Variants in ARHGAP22 observed in about 807,000 individuals in gnomAD.
The protein encoded by ARHGAP22 is Rho GTPase activating protein 22, also known as rho GTPase-activating protein 22.
In ARHGAP22, 48 loss-of-function variants were observed where a neutral mutation model predicts 59.1. The ratio of observed to expected loss-of-function variants is 0.81; its 90% confidence interval spans 0.64 to 1.03. The LOEUF (loss-of-function observed/expected upper bound fraction) is 1.03, where lower values mean the gene tolerates loss of function less well. Among genes scored for constraint, ARHGAP22 ranks in the 50% least tolerant of loss-of-function variants. The probability of loss-of-function intolerance (pLI) is 0.00; values close to 1 mark genes in which losing one functional copy is unlikely to be tolerated. For missense variants in ARHGAP22, 1,015 were observed against 958.7 expected, an observed-to-expected ratio of 1.06 and a Z score of -0.78; for synonymous variants, 445 against 416.4, an observed-to-expected ratio of 1.07 and a Z score of -0.84.
the ARHGAP22 span, chr10:48,437,011 A>C: frequency 3.3e-5 from 5 of 152,198 alleles, no homozygotes; most frequent in East Asian, 9.6e-4. Flanking sequence ...ATGCTTTCAG[A>C]AGGTTCTCAT....
At chr10:48,498,058 G>A (rs1007132882) in intron 3 of ARHGAP22, among the ~76,000 whole-genome samples, 2 of 152,166 alleles carry the variant, frequency 1.3e-5, no homozygotes, top group African/African-American at 4.8e-5. Flanking sequence ...GAAAGAGGAT[G>A]CAGTGCCTCG....
intron 3 of ARHGAP22, chr10:48,510,442 G>A (rs1390086305): frequency 2.0e-5 from 3 of 152,106 alleles, no homozygotes; most frequent in Non-Finnish European, 4.4e-5. Context: ...ACAGAGGAAA[G>A]ATCATTTAAG....
chr10:48,496,051 G>C (rs190503049), intron 3 of ARHGAP22, among the ~76,000 whole-genome samples: 1 of 152,156 alleles, frequency 6.6e-6, no homozygotes, highest in South Asian at 2.1e-4. Flanking sequence ...GAGCCTGTGA[G>C]AGCCCCCAAG....
At chr10:48,490,096 T>C (rs1010106133) in intron 3 of ARHGAP22, among the ~76,000 whole-genome samples, 1 of 152,094 alleles carries the variant, frequency 6.6e-6, no homozygotes, top group African/African-American at 2.4e-5. Flanking sequence ...GCTCCCTCAA[T>C]GTGGAGCACA....
the ARHGAP22 span, among the ~76,000 whole-genome samples, chr10:48,433,136 A>G: frequency 1.3e-5 from 2 of 152,204 alleles, no homozygotes; most frequent in African/African-American, 4.8e-5. Flanking sequence ...AAGATTTTCC[A>G]TATTATTACC....
At chr10:48,575,574 C>G (rs367623724) in intron 2 of ARHGAP22, 2 of 152,212 alleles carry the variant, frequency 1.3e-5, no homozygotes, top group African/African-American at 4.8e-5. Flanking sequence ...TTCTCCCCAC[C>G]AGTCTCAAGC....
Position 48,479,782 on chromosome 10 carries a change from A to G in ARHGAP22, c.323-18T>C. 6.4e-7 allele frequency: 1 copy of G among 1,563,772 alleles called. No homozygotes were observed. Among genetic ancestry groups the G allele is most frequent in the Non-Finnish European group, 8.7e-7 (1 of 1,153,326 alleles). ...GGCACCACCTGCAAGACAGGGAGAC[A>G]CAGGCTTACGCAGGGTCCCTGCCCG... On this transcript the variant is annotated intron_variant, in intron 3 of 9. Transcript: ENST00000249601.
Position 48,493,698 on chromosome 10 carries a change from T to C in ARHGAP22, c.323-13934A>G, listed in dbSNP as rs189678189. The C allele has an allele frequency of 3.7e-6, 5 of 1,354,932 alleles. No individual in the cohort carries two copies. In the Admixed American group the frequency reaches 1.3e-4, roughly 36 times the overall value. The allele number at this position is 1,354,932 out of a possible 1,614,324, so 83.9% of individuals were successfully genotyped here. On this transcript the variant is annotated intron_variant, in intron 3 of 9. Coordinates refer to ENST00000249601, the MANE Select transcript of ARHGAP22 (RefSeq NM_021226.4). ...TTTATCAGTGCCCGAAGGCTGGGAC[T>C]GTCTGGGGCGGGGCAAGAAGGACTT...
downstream of ARHGAP22, among the ~76,000 whole-genome samples, chr10:48,441,854 C>T (rs1033826732): frequency 2.0e-5 from 3 of 152,182 alleles, no homozygotes; most frequent in Non-Finnish European, 4.4e-5. Context: ...TAGGTCACCT[C>T]GGACAAGTGT....
intron 1 of ARHGAP22, among the ~76,000 whole-genome samples, chr10:48,585,453 G>A (rs1039659484): frequency 6.6e-6 from 1 of 152,102 alleles, no homozygotes; most frequent in Non-Finnish European, 1.5e-5. Flanking sequence ...CCACAGCCTG[G>A]TATTGGGTCC....
intron 1 of ARHGAP22, among the ~76,000 whole-genome samples, chr10:48,589,871 C>T (rs1450218609): frequency 6.6e-6 from 1 of 152,110 alleles, no homozygotes; most frequent in South Asian, 2.1e-4. Context: ...ACTCTTTTCA[C>T]AGAAGTAGTT....
chr10:48,620,065 T>C (rs1355078205), intron 1 of ARHGAP22, among the ~76,000 whole-genome samples: 2 of 152,212 alleles, frequency 1.3e-5, no homozygotes, highest in Non-Finnish European at 2.9e-5. Flanking sequence ...ACTATTCTAA[T>C]GTGTGATACA....
intron 9 of ARHGAP22, among the ~76,000 whole-genome samples, chr10:48,448,462 C>A (rs1589393029): frequency 6.6e-6 from 1 of 152,238 alleles, no homozygotes. Flanking sequence ...ACTGTGGCCA[C>A]CTGCACAGCA....
chr10:48,632,640 T>G (rs934159946), intron 1 of ARHGAP22, among the ~76,000 whole-genome samples: 82 of 152,294 alleles, frequency 5.4e-4, no homozygotes, highest in African/African-American at 1.9e-3. Context: ...GTGGTTTGTT[T>G]TCTGTCACTG....
chr10:48,591,737 G>A (rs1012033754), intron 1 of ARHGAP22, among the ~76,000 whole-genome samples: 6 of 152,156 alleles, frequency 3.9e-5, no homozygotes, highest in African/African-American at 1.4e-4. Flanking sequence ...TGCTGGGCAT[G>A]GTGGTGTGCC....
At chr10:48,618,300 T>A (rs1424150915) in intron 1 of ARHGAP22, among the ~76,000 whole-genome samples, 1 of 152,022 alleles carries the variant, frequency 6.6e-6, no homozygotes, top group Non-Finnish European at 1.5e-5. Flanking sequence ...TCTTAAACTA[T>A]TCCAGAAAAT....
upstream of ARHGAP22, among the ~76,000 whole-genome samples, chr10:48,609,534 A>G (rs1292525497): frequency 6.6e-6 from 1 of 152,192 alleles, no homozygotes; most frequent in Non-Finnish European, 1.5e-5. Context: ...ACCTGGAAGT[A>G]TCTTGAGAGA....
At chr10:48,512,610 A>C (rs1009020985) in intron 3 of ARHGAP22, among the ~76,000 whole-genome samples, 18 of 152,208 alleles carry the variant, frequency 1.2e-4, no homozygotes, top group Non-Finnish European at 2.4e-4. Flanking sequence ...AATCTTACAC[A>C]CAGAGGCCAA....
At chr10:48,611,907 C>T (rs1344334305) in intron 1 of ARHGAP22, among the ~76,000 whole-genome samples, 1 of 130,768 alleles carries the variant, frequency 7.6e-6, no homozygotes. Flanking sequence ...CACTTTCCTT[C>T]TGCCTCCTGG....
Sources: gnomAD v4.1 joint callset for allele counts (sites outside exome capture counted in the v4.1 genomes callset) on GRCh38, gnomAD v4.1.1 for gene constraint, MANE v1.5 for transcripts, NCBI Gene and HGNC (gene_info 2026-07-23, HGNC 2026-07-21) for gene names.